Variants in PTPRD observed in about 807,000 individuals in gnomAD.
PTPRD encodes receptor-type tyrosine-protein phosphatase delta.
A neutral mutation model predicts 214.5 loss-of-function variants in PTPRD; 34 were observed. That is an observed-to-expected ratio of 0.16 (90% CI 0.12 to 0.21). PTPRD has a LOEUF of 0.21. PTPRD is among the 10% of genes least tolerant of loss of function. The pLI, the probability that PTPRD is intolerant of heterozygous loss-of-function variation, is 1.00. For missense variants in PTPRD, 2,545 were observed against 2,398.7 expected (o/e 1.06, Z -1.27); for synonymous variants, 1,128 against 845.7 (o/e 1.33, Z -5.79).
At chr9:10,373,461 A>G (rs1224003895) in intron 2 of PTPRD, among the ~76,000 whole-genome samples, 1 of 152,066 alleles carries the variant, frequency 6.6e-6, no homozygotes, top group Non-Finnish European at 1.5e-5. Flanking sequence ...TCACTTATAT[A>G]TTTACTCATC....
rs539340866 is a variant in PTPRD, at chr9:8,575,066, A to T, written c.353-46287T>A. The stretch of plus-strand genomic sequence containing the variant: ...TAGATCACACTTCATCAGAGGGTTT[A>T]CAGAACTGTCCTCGTACTCTACGAA... On this transcript the variant is annotated intron_variant, in intron 14 of 45. Transcript: ENST00000381196. 2.7e-3 allele frequency among the ~76,000 whole-genome samples: 408 copies of T among 152,222 alleles called. 3 individuals carry two copies. The highest frequency in any genetic ancestry group is 9.6e-3 in the Admixed American group (146 of 15,286).
chr9:8,707,011 CT>C (rs2098224311), intron 12 of PTPRD, among the ~76,000 whole-genome samples: 1 of 152,170 alleles, frequency 6.6e-6, no homozygotes, highest in Non-Finnish European at 1.5e-5. Context: ...TATTTTATTA[CT>C]TCCTTTAGCA....
chr9:9,992,785 C>T (rs1272867475), intron 4 of PTPRD, among the ~76,000 whole-genome samples: 1 of 151,328 alleles, frequency 6.6e-6, no homozygotes, highest in African/African-American at 2.4e-5. Flanking sequence ...GAACATCACA[C>T]ACTGGGGCCT....
intron 42 of PTPRD, 30 bp from the exon 43 acceptor site, chr9:8,339,077 A>G (rs1849749635): frequency 6.3e-7 from 1 of 1,598,910 alleles, no homozygotes; most frequent in African/African-American, 1.3e-5. Flanking sequence ...ATGTTAAACT[A>G]TGCAAAGTAT....
intron 11 of PTPRD, among the ~76,000 whole-genome samples, chr9:8,978,544 C>T (rs1394120792): frequency 6.6e-6 from 1 of 152,068 alleles, no homozygotes; most frequent in African/African-American, 2.4e-5. Flanking sequence ...AGACTCAGAC[C>T]TATCAGAGTT....
intron 12 of PTPRD, among the ~76,000 whole-genome samples, chr9:8,657,228 T>G (rs889452781): frequency 7.4e-5 from 11 of 148,746 alleles, no homozygotes; most frequent in Non-Finnish European, 8.9e-5. Flanking sequence ...AGTGCAATGG[T>G]GCAATCTTGG....
intron 14 of PTPRD, among the ~76,000 whole-genome samples, chr9:8,601,786 C>T (rs2094883849): frequency 1.3e-5 from 2 of 152,068 alleles, no homozygotes; most frequent in Non-Finnish European, 2.9e-5. Flanking sequence ...TGATCAAAAG[C>T]ACATATTATC....
At chr9:9,236,429 G>C (rs1344993882) in intron 9 of PTPRD, among the ~76,000 whole-genome samples, 3 of 151,846 alleles carry the variant, frequency 2.0e-5, no homozygotes, top group African/African-American at 4.8e-5. Context: ...AATTAGATTA[G>C]AAACAAAGTT....
chr9:9,486,400 C>T (rs773117041), intron 8 of PTPRD, among the ~76,000 whole-genome samples: 11 of 151,842 alleles, frequency 7.2e-5, no homozygotes, highest in African/African-American at 2.4e-4. Flanking sequence ...TGGACTTTAA[C>T]AAAAAAACAA....
intron 10 of PTPRD, among the ~76,000 whole-genome samples, chr9:9,087,865 A>T (rs982253981): frequency 2.1e-5 from 3 of 142,892 alleles, no homozygotes. Context: ...ATTTTCCACC[A>T]GAGCCCTAAA....
chr9:9,385,881 C>A (rs545450833), intron 9 of PTPRD, among the ~76,000 whole-genome samples: 74 of 152,216 alleles, frequency 4.9e-4, no homozygotes, highest in African/African-American at 1.7e-3. Context: ...TTAAGCCTAA[C>A]TATGACTCCA....
intron 2 of PTPRD, among the ~76,000 whole-genome samples, chr9:10,441,074 C>T (rs1274773459): frequency 1.3e-5 from 2 of 151,720 alleles, no homozygotes; most frequent in Admixed American, 6.6e-5. Flanking sequence ...TTTAGGACTT[C>T]ATCGTTTCCA....
In PTPRD at chr9:10,195,380, T is replaced by C. The variant is rs536574613; in HGVS notation, c.-545+145583A>G. Among the ~76,000 whole-genome samples the C allele has an allele frequency of 5.9e-4, 90 of 152,196 alleles. 1 individual carries two copies. The South Asian group carries it at 7.9e-3, about 13-fold the overall frequency. ...TGTTAGAGACCCCAATTTTAGATGGTTAAATGGCCTTTCATAATCAAGATT... is the reference window on the plus strand; with the variant it reads ...TGTTAGAGACCCCAATTTTAGATGGCTAAATGGCCTTTCATAATCAAGATT... On this transcript the variant is annotated intron_variant, in intron 3 of 45. Transcript: ENST00000381196.
intron 11 of PTPRD, among the ~76,000 whole-genome samples, chr9:8,743,992 C>T (rs931099743): frequency 1.3e-5 from 2 of 151,450 alleles, no homozygotes; most frequent in African/African-American, 2.4e-5. Flanking sequence ...ACAGACAATT[C>T]TCAAAAAAGA....
At chr9:8,608,846 A>C (rs1370410811) in intron 14 of PTPRD, among the ~76,000 whole-genome samples, 3 of 152,164 alleles carry the variant, frequency 2.0e-5, no homozygotes, top group Non-Finnish European at 4.4e-5. Context: ...GGCCATATGT[A>C]CTTTATCTCT....
At chr9:10,596,228 G>C (rs1415802907) in intron 2 of PTPRD, among the ~76,000 whole-genome samples, 2 of 151,704 alleles carry the variant, frequency 1.3e-5, no homozygotes, top group African/African-American at 4.8e-5. Flanking sequence ...ATCAGAGTTT[G>C]ACTACTTCTA....
intron 43 of PTPRD, among the ~76,000 whole-genome samples, chr9:8,338,688 C>A (rs1849339014): frequency 6.6e-6 from 1 of 152,036 alleles, no homozygotes; most frequent in African/African-American, 2.4e-5. Flanking sequence ...CAAGGTTGAG[C>A]TGCCAGATGT....
rs1190238716 is a variant in PTPRD at position 9,450,948 on chromosome 9, C to CAT, written c.-236-53468_-236-53467dup. ...GTACATCTAAGTAAATACATACATA[C>CAT]ATACACACACACACACACACACACA... is the stretch of plus-strand genomic sequence containing the variant. On this transcript the variant is annotated intron_variant, in intron 8 of 45. Coordinates refer to ENST00000381196, the MANE Select transcript of PTPRD (RefSeq NM_002839.4). 1.6e-4 allele frequency among the ~76,000 whole-genome samples: 20 copies of CAT among 124,588 alleles called. No homozygotes were observed. In the East Asian group the frequency reaches 4.0e-3, roughly 25 times the overall value. The allele number at this position is 124,588 out of a possible 152,430, so 81.7% of individuals were successfully genotyped here.
At chr9:8,626,924 T>C (rs1008684438) in intron 14 of PTPRD, among the ~76,000 whole-genome samples, 10 of 151,588 alleles carry the variant, frequency 6.6e-5, no homozygotes, top group African/African-American at 2.4e-4. Flanking sequence ...ATATATTCTG[T>C]TGGGGTTCTC....
Sources: allele counts gnomAD v4.1 joint callset (sites outside exome capture counted in the v4.1 genomes callset), GRCh38; gene constraint gnomAD v4.1.1; transcripts MANE v1.5; gene names NCBI Gene and HGNC (gene_info 2026-07-23, HGNC 2026-07-21).